The following PLAUR variants were observed in gnomAD, a reference collection of about 807,000 sequenced individuals.
The protein encoded by PLAUR is plasminogen activator, urokinase receptor.
A neutral mutation model predicts 33.4 loss-of-function variants in PLAUR; 22 were observed. The observed-to-expected ratio is 0.66, with a 90% CI of 0.47 to 0.94. The LOEUF (loss-of-function observed/expected upper bound fraction) is 0.94, where lower values mean the gene tolerates loss of function less well. Ranked by LOEUF, PLAUR falls within the 40% of genes least tolerant of loss-of-function variation. PLAUR has a pLI of 0.00. For missense variants in PLAUR, 408 were observed against 434.7 expected, an observed-to-expected ratio of 0.94 and a Z score of 0.55; for synonymous variants, 148 against 167.3, an observed-to-expected ratio of 0.88 and a Z score of 0.89.
At position 43,664,346 on chromosome 19, in the gene PLAUR, C is replaced by G. The variant is rs73558726; in HGVS notation, c.310+970G>C. On this transcript the variant is annotated intron_variant, in intron 3 of 6. Coordinates refer to ENST00000340093, the MANE Select transcript of PLAUR (RefSeq NM_002659.4). ...TACCCTATTTCCTTCCTCACCAGGT[C>G]CAGAAAGAGGAATCTCTTTCACGGA... 6.4e-3 allele frequency among the ~76,000 whole-genome samples: 973 copies of G among 152,310 alleles called. 11 individuals carry two copies. Among genetic ancestry groups the G allele is most frequent in the African/African-American group, 0.022 (920 of 41,562 alleles).
At chr19:43,668,062 A>C in intron 1 of PLAUR, 1 of 1,053,992 alleles carries the variant, frequency 9.5e-7, no homozygotes, top group Non-Finnish European at 1.2e-6. Context: ...CCCTCGGTCG[A>C]TTACGCCTCT....
At chr19:43,655,334 G>T in intron 5 of PLAUR, 105 bp downstream of exon 5, 5 of 807,820 alleles carry the variant, frequency 6.2e-6, no homozygotes, top group Non-Finnish European at 9.2e-6. Flanking sequence ...AAAGCAAACA[G>T]AGGCCCAGAG....
intron 5 of PLAUR, among the ~76,000 whole-genome samples, chr19:43,653,316 G>C (rs1391355376): frequency 6.6e-6 from 1 of 152,254 alleles, no homozygotes; most frequent in Non-Finnish European, 1.5e-5. Flanking sequence ...CTGGGTAATA[G>C]AGACAGGGAT....
At chr19:43,646,668 G>C, downstream of PLAUR, 2 of 643,296 alleles carry the variant, frequency 3.1e-6, no homozygotes, top group Non-Finnish European at 5.6e-6. Context: ...ATATTCAAGA[G>C]GCAGAAGTAC....
chr19:43,646,461 A>G (rs1973826754), downstream of PLAUR: 1 of 718,198 alleles, frequency 1.4e-6, no homozygotes. Flanking sequence ...TGGCATTTAT[A>G]CATGAGTAGC....
chr19:43,670,088 C>A lies in PLAUR; in HGVS notation c.33G>T (p.Leu11=). 1 of 1,613,176 alleles carries A rather than the reference C, an allele frequency of 6.2e-7. No homozygotes were observed. Among genetic ancestry groups the A allele is most frequent in the Non-Finnish European group, 8.5e-7 (1 of 1,179,652 alleles). The part of the protein sequence containing the change: MGHPPLLPLL[L]LLHTCVPASW... ...TACCTGGGACGCAGGTGTGGAGCAG[C>A]AGCAGCAGCGGCAGCAGCGGCGGGT... The change falls in exon 1 of 7, where the codon CTG becomes CTT. Residue 11 remains leucine, a synonymous_variant. Coordinates refer to ENST00000340093, the MANE Select transcript of PLAUR (RefSeq NM_002659.4).
intron 5 of PLAUR, among the ~76,000 whole-genome samples, chr19:43,653,674 GAAGA>G (rs1028112675): frequency 2.0e-5 from 3 of 150,120 alleles, no homozygotes; most frequent in East Asian, 2.0e-4. Flanking sequence ...AGAAAGAAAG[GAAGA>G]AAGAAAGAAA....
downstream of PLAUR, among the ~76,000 whole-genome samples, chr19:43,648,332 C>T (rs1973859209): frequency 6.6e-6 from 1 of 152,096 alleles, no homozygotes; most frequent in Non-Finnish European, 1.5e-5. Flanking sequence ...CCCGCCACCA[C>T]GTCCGGATTT....
rs772928893 is a variant in PLAUR at position 43,648,893 on chromosome 19, G to A, written c.1005C>T (p.Thr335=). 1 of 1,610,454 alleles carries A rather than the reference G, an allele frequency of 6.2e-7. No homozygotes were observed. Among genetic ancestry groups the A allele is most frequent in the Non-Finnish European group, 8.5e-7 (1 of 1,177,182 alleles). Residue 335 remains threonine, a synonymous_variant, in exon 7 of 7, where the codon ACC becomes ACT. Transcript: ENST00000340093. The part of the protein sequence containing the change: ...ARLWGGTLLW[T] ...GGCAGAGAGGGGGATTTCAGGTTTA[G>A]GTCCAGAGGAGAGTGCCTCCCCACA...
At chr19:43,649,514 T>A (rs1488335413) in intron 6 of PLAUR, among the ~76,000 whole-genome samples, 1 of 134,672 alleles carries the variant, frequency 7.4e-6, no homozygotes, top group Non-Finnish European at 1.5e-5. Flanking sequence ...CACTCCAGCC[T>A]GGGTAACAGA....
chr19:43,661,832 C>T (rs1165862358), intron 3 of PLAUR, among the ~76,000 whole-genome samples: 1 of 152,156 alleles, frequency 6.6e-6, no homozygotes, highest in Non-Finnish European at 1.5e-5. Context: ...TGCAGGTCCC[C>T]TCCCACATCT....
intron 6 of PLAUR, 199 bp downstream of exon 6, chr19:43,652,026 A>G: frequency 7.4e-7 from 1 of 1,359,640 alleles, no homozygotes; most frequent in Non-Finnish European, 9.5e-7. Context: ...CCGGAATTCC[A>G]CTTTTCCATG....
chr19:43,656,732 T>A, intron 3 of PLAUR, 92 bp from the exon 4 acceptor site: 1 of 1,030,182 alleles, frequency 9.7e-7, no homozygotes, highest in Non-Finnish European at 1.4e-6. Flanking sequence ...AATTCCTCCT[T>A]ATCCCACCCT....
chr19:43,660,967 T>C (rs1966959396), intron 3 of PLAUR: 1 of 152,162 alleles, frequency 6.6e-6, no homozygotes. Flanking sequence ...AAGCCTGAGA[T>C]GCTTACCAAG....
chr19:43,663,639 G>T (rs896044706), intron 3 of PLAUR, among the ~76,000 whole-genome samples: 3 of 151,834 alleles, frequency 2.0e-5, no homozygotes, highest in Non-Finnish European at 2.9e-5. Flanking sequence ...AAATTAGCTG[G>T]GCGTGGTGGC....
At chr19:43,658,778 C>T (rs1013641624) in intron 3 of PLAUR, among the ~76,000 whole-genome samples, 6 of 152,114 alleles carry the variant, frequency 3.9e-5, no homozygotes, top group Admixed American at 6.6e-5. Flanking sequence ...TGTAATTAGG[C>T]GAATCATTTA....
intron 3 of PLAUR, among the ~76,000 whole-genome samples, chr19:43,658,820 A>G (rs1974314941): frequency 6.6e-6 from 1 of 152,200 alleles, no homozygotes; most frequent in Non-Finnish European, 1.5e-5. Context: ...CCTCAAAGAA[A>G]AATAACTACA....
chr19:43,668,089 C>T (rs1967341273), intron 1 of PLAUR: 3 of 1,025,106 alleles, frequency 2.9e-6, no homozygotes, highest in South Asian at 3.4e-5. Flanking sequence ...CTGCTGGGGA[C>T]GTTCTAGCCT....
rs117499826 is a variant in PLAUR at position 43,670,124 on chromosome 19, G to C, written c.-4C>G. On this transcript the variant is annotated 5_prime_UTR_variant, in exon 1 of 7. Transcript: ENST00000340093. ...GCAGCAGCGGCGGGTGACCCATGTC[G>C]CGAGGGCAGCTCCTGTGCGCGGGGT... 227 of 1,609,738 alleles carry C rather than the reference G, an allele frequency of 1.4e-4. No homozygotes were observed. In the East Asian group the frequency reaches 5.0e-3, roughly 35 times the overall value.
Sources: allele counts gnomAD v4.1 joint callset (sites outside exome capture counted in the v4.1 genomes callset), GRCh38; gene constraint gnomAD v4.1.1; transcripts MANE v1.5; gene names NCBI Gene and HGNC (gene_info 2026-07-23, HGNC 2026-07-21).